CTNNA3: variants seen among roughly 807,000 people sequenced by gnomAD.
The protein encoded by CTNNA3 is catenin alpha-3.
A neutral mutation model predicts 95.7 loss-of-function variants in CTNNA3; 76 were observed. The observed-to-expected ratio is 0.79, with a 90% CI of 0.66 to 0.96. CTNNA3 has a LOEUF of 0.96. Ranked by LOEUF, CTNNA3 falls within the 40% of genes least tolerant of loss-of-function variation. CTNNA3 has a pLI of 0.00. For missense variants in CTNNA3, 1,191 were observed against 1,089.8 expected, an observed-to-expected ratio of 1.09 and a Z score of -1.31; for synonymous variants, 431 against 374.4, an observed-to-expected ratio of 1.15 and a Z score of -1.74.
chr10:67,068,813 A>T (rs1856254257), intron 7 of CTNNA3, among the ~76,000 whole-genome samples: 1 of 152,198 alleles, frequency 6.6e-6, no homozygotes, highest in Non-Finnish European at 1.5e-5. Flanking sequence ...TAATCCCAGC[A>T]CTTTGGGAGG....
intron 3 of CTNNA3, among the ~76,000 whole-genome samples, chr10:67,551,471 T>G (rs1841029781): frequency 6.6e-6 from 1 of 152,104 alleles, no homozygotes; most frequent in Non-Finnish European, 1.5e-5. Context: ...ATCCAATTCT[T>G]CTGGTACACC....
chr10:66,070,375 A>G (rs1270403620), intron 14 of CTNNA3, among the ~76,000 whole-genome samples: 4 of 152,144 alleles, frequency 2.6e-5, no homozygotes, highest in African/African-American at 7.2e-5. Context: ...AACCCATTAA[A>G]CTGACTCACG....
At chr10:67,197,994 A>G (rs1863455809) in intron 6 of CTNNA3, among the ~76,000 whole-genome samples, 1 of 152,176 alleles carries the variant, frequency 6.6e-6, no homozygotes, top group Non-Finnish European at 1.5e-5. Context: ...AGAGCAATCT[A>G]TGTTGATGAA....
At chr10:66,632,251 G>A (rs12784066) in intron 9 of CTNNA3, among the ~76,000 whole-genome samples, 39,725 of 151,826 alleles carry the variant, frequency 0.26, 5,914 homozygotes, top group Non-Finnish European at 0.35. Flanking sequence ...TGGCAAATAA[G>A]TTTTATAAAA....
At chr10:66,771,746 C>T (rs943598898) in intron 8 of CTNNA3, among the ~76,000 whole-genome samples, 79 of 152,132 alleles carry the variant, frequency 5.2e-4, no homozygotes, top group African/African-American at 1.9e-3. Context: ...AATGAATATG[C>T]TTGGTAGAGA....
intron 6 of CTNNA3, among the ~76,000 whole-genome samples, chr10:67,200,873 T>C (rs1013391521): frequency 6.6e-6 from 1 of 152,220 alleles, no homozygotes; most frequent in African/African-American, 2.4e-5. Flanking sequence ...AATTCCTAAG[T>C]ATTAGAAAAT....
At chr10:67,207,339 T>C (rs938843958) in intron 6 of CTNNA3, among the ~76,000 whole-genome samples, 1 of 152,190 alleles carries the variant, frequency 6.6e-6, no homozygotes, top group Non-Finnish European at 1.5e-5. Context: ...GTAATTTCTA[T>C]AGGTGACAAA....
intron 10 of CTNNA3, among the ~76,000 whole-genome samples, chr10:66,521,094 C>G (rs896399764): frequency 2.6e-5 from 4 of 151,164 alleles, no homozygotes; most frequent in African/African-American, 9.7e-5. Flanking sequence ...TGGTTAAATA[C>G]ATTCATCATC....
chr10:66,599,025 T>C (rs545806997), intron 10 of CTNNA3, among the ~76,000 whole-genome samples: 4 of 144,824 alleles, frequency 2.8e-5, no homozygotes, highest in East Asian at 2.1e-4. Flanking sequence ...CAAAACAATA[T>C]GGTACTGGCA....
intron 7 of CTNNA3, among the ~76,000 whole-genome samples, chr10:67,104,893 G>A (rs566959628): frequency 6.6e-6 from 1 of 152,060 alleles, no homozygotes; most frequent in South Asian, 2.1e-4. Context: ...CTAGCACACT[G>A]GATCTAATAT....
chr10:66,462,664 C>T (rs2093537691), intron 11 of CTNNA3, among the ~76,000 whole-genome samples: 1 of 152,062 alleles, frequency 6.6e-6, no homozygotes, highest in Non-Finnish European at 1.5e-5. Context: ...ATATGTTAAG[C>T]ATCTTACAAT....
chr10:67,030,733 C>A (rs1036785388), intron 7 of CTNNA3, among the ~76,000 whole-genome samples: 1 of 152,018 alleles, frequency 6.6e-6, no homozygotes, highest in East Asian at 1.9e-4. Context: ...CGGTCAGATG[C>A]GGTGGCTCAC....
intron 6 of CTNNA3, among the ~76,000 whole-genome samples, chr10:67,218,655 C>A (rs1263503466): frequency 6.6e-6 from 1 of 152,150 alleles, no homozygotes; most frequent in African/African-American, 2.4e-5. Context: ...CATTCATGTC[C>A]CACATCCATT....
chr10:66,437,723 C>CT (rs1564962528), intron 11 of CTNNA3, among the ~76,000 whole-genome samples: 1 of 152,160 alleles, frequency 6.6e-6, no homozygotes, highest in Non-Finnish European at 1.5e-5. Context: ...AACTCATTCT[C>CT]TGTCTAATTT....
chr10:66,828,827 A>G (rs1842607512), intron 7 of CTNNA3, among the ~76,000 whole-genome samples: 1 of 152,196 alleles, frequency 6.6e-6, no homozygotes, highest in Non-Finnish European at 1.5e-5. Context: ...TTCTAGTGAA[A>G]CCAGAGTTAC....
intron 7 of CTNNA3, among the ~76,000 whole-genome samples, chr10:67,124,828 T>A (rs1034054062): frequency 6.6e-6 from 1 of 152,196 alleles, no homozygotes; most frequent in Admixed American, 6.5e-5. Context: ...TGCCAACATG[T>A]TTTCACAGTA....
In CTNNA3 at chr10:65,986,840, T is replaced by C. The variant is rs530924726; in HGVS notation, c.2265+1852A>G. Among the ~76,000 whole-genome samples the C allele has an allele frequency of 2.7e-5, 4 of 150,922 alleles. No individual in the cohort carries two copies. The East Asian group carries it at 5.8e-4, about 22-fold the overall frequency. On this transcript the variant is annotated intron_variant, in intron 16 of 17. Coordinates refer to ENST00000433211, the MANE Select transcript of CTNNA3 (RefSeq NM_013266.4). ...CAAAGATATAGTAACTAAAACTGCATGGTACTGGCATTAAAAAAAAAAACC... is the reference window on the plus strand; with the variant it reads ...CAAAGATATAGTAACTAAAACTGCACGGTACTGGCATTAAAAAAAAAAACC...
chr10:67,300,488 G>A (rs1589140576), intron 5 of CTNNA3, among the ~76,000 whole-genome samples: 1 of 152,130 alleles, frequency 6.6e-6, no homozygotes, highest in Non-Finnish European at 1.5e-5. Flanking sequence ...GCCTTCCTAG[G>A]GAGTACGGTT....
At chr10:66,621,964 C>CCT (rs1844766537) in intron 9 of CTNNA3, among the ~76,000 whole-genome samples, 180 bp from the exon 10 acceptor site, 2 of 151,972 alleles carry the variant, frequency 1.3e-5, no homozygotes, top group Non-Finnish European at 2.9e-5. Context: ...AAGCAAATAA[C>CCT]AATAAAAGGA....
Sources: gnomAD v4.1 joint callset for allele counts (sites outside exome capture counted in the v4.1 genomes callset) on GRCh38, gnomAD v4.1.1 for gene constraint, MANE v1.5 for transcripts, NCBI Gene and HGNC (gene_info 2026-07-23, HGNC 2026-07-21) for gene names.